SLC4A1: variants seen among roughly 807,000 people sequenced by gnomAD.
SLC4A1 encodes solute carrier family 4 member 1 (Diego blood group).
A neutral mutation model predicts 93.1 loss-of-function variants in SLC4A1; 29 were observed. That is an observed-to-expected ratio of 0.31 (90% CI 0.23 to 0.42). The LOEUF (loss-of-function observed/expected upper bound fraction) is 0.42. SLC4A1 is among the 20% of genes least tolerant of loss of function. The probability of loss-of-function intolerance (pLI) is 1.00; values close to 1 mark genes in which losing one functional copy is unlikely to be tolerated. For synonymous variants in SLC4A1, 469 were observed against 497.2 expected (o/e 0.94, Z 0.76); for missense variants, 965 against 1,190.1 (o/e 0.81, Z 2.78).
At position 44,257,996 on chromosome 17, in the gene SLC4A1, G is replaced by A. The variant is rs148115666; in HGVS notation, c.1272C>T (p.Gly424=). The change falls in exon 11 of 20, where the codon GGC becomes GGT. Residue 424 remains glycine (G), a synonymous_variant. Transcript: ENST00000262418. The stretch of plus-strand genomic sequence containing the variant: ...GGTATTGGCACTGACCCAGGAGGCC[G>A]CCGAAGGTGATGGCGGGTGACAGTG... ...FAALSPAITF[G]GLLGEKTRNQ... The A allele has an allele frequency of 8.9e-5, 143 of 1,613,968 alleles. No homozygotes were observed. The African/African-American group carries it at 1.1e-3, about 13-fold the overall frequency.
At position 44,253,277 on chromosome 17, in the gene SLC4A1, G is replaced by C; in HGVS notation, c.2152C>G (p.Leu718Val). 1 of 1,614,058 alleles carries C rather than the reference G, an allele frequency of 6.2e-7. No individual in the cohort carries two copies. The highest frequency in any genetic ancestry group is 1.1e-5 in the South Asian group (1 of 91,088). ...GCACTGAGCCAGGGCATCCCAAAGA[G>C]GGCGGCCACCCCACCCATGCCTACT... The part of the protein sequence containing the change: ...LVVGMGGVAA[L>V]FGMPWLSATT... Residue 718 changes from leucine to valine, a missense_variant, in exon 17 of 20, where the codon CTC becomes GTC. By Grantham distance (32) the Leu-to-Val change is conservative. This residue lies in a region of SLC4A1 where 770 missense variants were observed against 1,006.6 expected (regional missense o/e 0.76). Transcript: ENST00000262418.
In SLC4A1 at chr17:44,260,723, G is replaced by T. The variant is rs761763084; in HGVS notation, c.261C>A (p.Asn87Lys). ...EAARWVQLEE[N>K]LGENGAWGRP... is the part of the protein sequence containing the mutation. ...GGCCCCAGGCCCCATTCTCCCCCAGGTTCTCCTCCAGTTGCACCCAGCGCG... is the reference window on the plus strand; with the variant it reads ...GGCCCCAGGCCCCATTCTCCCCCAGTTTCTCCTCCAGTTGCACCCAGCGCG... The change falls in exon 5 of 20, where the codon AAC (asparagine) becomes AAA (lysine). Residue 87 changes from asparagine (N) to lysine (K), a missense_variant. This residue lies in a region of SLC4A1 where 195 missense variants were observed against 183.5 expected (regional missense o/e 1.06). Coordinates refer to ENST00000262418, the MANE Select transcript of SLC4A1 (RefSeq NM_000342.4). 6.2e-7 allele frequency: 1 copy of T among 1,614,142 alleles called. No homozygotes were observed.
rs775100369 is a variant in SLC4A1 at position 44,257,993 on chromosome 17, G to A, written c.1275C>T (p.Gly425=). 6.2e-7 allele frequency: 1 copy of A among 1,614,112 alleles called. No homozygotes were observed. Among genetic ancestry groups the A allele is most frequent in the Non-Finnish European group, 8.5e-7 (1 of 1,180,008 alleles). Residue 425 remains glycine, a synonymous_variant, in exon 11 of 20, where the codon GGC becomes GGT. Coordinates refer to ENST00000262418, the MANE Select transcript of SLC4A1 (RefSeq NM_000342.4). The part of the protein sequence containing the change: ...AALSPAITFG[G]LLGEKTRNQM... ...ACAGGTATTGGCACTGACCCAGGAG[G>A]CCGCCGAAGGTGATGGCGGGTGACA...
At position 44,249,511 on chromosome 17, in the gene SLC4A1, G is replaced by C. The variant is rs368389948; in HGVS notation, c.*947C>G. 1.8e-4 allele frequency: 29 copies of C among 163,662 alleles called. No individual in the cohort carries two copies. The highest frequency in any genetic ancestry group is 2.4e-3 in the Middle Eastern group (1 of 412). The allele number at this position is 163,662 out of a possible 1,614,324, so 10.1% of individuals were successfully genotyped here. On this transcript the variant is annotated 3_prime_UTR_variant, in exon 20 of 20. Transcript: ENST00000262418. ...TCCCTATCCAAATGTAGAATCAACT[G>C]TACCTTGCCCCCCACCCCCACCCCA...
At chr17:44,257,839 C>G (rs1401177941) in intron 11 of SLC4A1, 32 bp from the exon 12 acceptor site, 1 of 1,612,758 alleles carries the variant, frequency 6.2e-7, no homozygotes, top group African/African-American at 1.3e-5. Context: ...GGATCAAGGT[C>G]AGGAGATCAT....
intron 1 of SLC4A1, among the ~76,000 whole-genome samples, chr17:44,267,267 T>A (rs1458192833): frequency 1.3e-5 from 2 of 152,168 alleles, no homozygotes; most frequent in African/African-American, 4.8e-5. Context: ...AGCCCTGCCA[T>A]TTACTAACGG....
intron 1 of SLC4A1, among the ~76,000 whole-genome samples, chr17:44,267,517 A>C (rs912427963): frequency 3.3e-5 from 5 of 152,190 alleles, no homozygotes; most frequent in Non-Finnish European, 5.9e-5. Flanking sequence ...CTCAGTTCCC[A>C]TGGAATTAGC....
In SLC4A1 at chr17:44,254,524, G is replaced by A. The variant is rs759861754; in HGVS notation, c.2029C>T (p.Leu677Phe). The change falls in exon 16 of 20, where the codon CTC becomes TTC. Residue 677 changes from leucine to phenylalanine, a missense_variant. Transcript: ENST00000262418. The part of the protein sequence containing the change: ...SALPALLVFI[L>F]IFLESQITTL... Reference sequence around the variant, plus strand: ...GTGATCTGAGACTCCAGGAATATGAGGATGAAGACCAGCAGAGCAGGCAGG... The same window carrying A: ...GTGATCTGAGACTCCAGGAATATGAAGATGAAGACCAGCAGAGCAGGCAGG... The A allele has an allele frequency of 6.2e-7, 1 of 1,608,892 alleles. No individual in the cohort carries two copies. The highest frequency in any genetic ancestry group is 8.5e-7 in the Non-Finnish European group (1 of 1,176,808).
At chr17:44,263,988 G>T (rs1448410823) in intron 1 of SLC4A1, among the ~76,000 whole-genome samples, 1 of 151,868 alleles carries the variant, frequency 6.6e-6, no homozygotes, top group Non-Finnish European at 1.5e-5. Flanking sequence ...CTCAGTGTGG[G>T]CTGCTGATTT....
At chr17:44,254,786 T>C (rs773848715) in intron 15 of SLC4A1, 124 bp from the exon 16 acceptor site, 46 of 748,740 alleles carry the variant, frequency 6.1e-5, no homozygotes, top group Middle Eastern at 6.4e-4. Flanking sequence ...CTTACTTATA[T>C]TGAGCACTTG....
In SLC4A1 at chr17:44,259,058, C is replaced by A. The variant is rs2047416285; in HGVS notation, c.876+105G>T. 4.1e-6 allele frequency: 5 copies of A among 1,223,220 alleles called. No homozygotes were observed. In the East Asian group the frequency reaches 1.2e-4, roughly 30 times the overall value. 75.8% of individuals were successfully genotyped at this position (1,223,220 alleles called of 1,614,324 possible). ...AGCAGCTGGATTAGGCTGAATGGGT[C>A]AAACCAGTGAACCTAAAGTAACCCA... On this transcript the variant is annotated intron_variant, in intron 9 of 19. Transcript: ENST00000262418.
chr17:44,258,373 G>T lies in SLC4A1; in HGVS notation c.1087+40C>A. On this transcript the variant is annotated intron_variant, in intron 10 of 19. Transcript: ENST00000262418. This position sits in a 1 kb window ranked among gnomAD's most constrained non-coding sequence, Gnocchi z 6.1. ...GGCTACGCTGAGGTGTCTGGGGGTC[G>T]GTGGGGGCTCAGAAAGCCTCAGCTG... 2 of 1,588,210 alleles carry T rather than the reference G, an allele frequency of 1.3e-6. No homozygotes were observed. The highest frequency in any genetic ancestry group is 1.7e-6 in the Non-Finnish European group (2 of 1,156,608).
In SLC4A1 at chr17:44,263,707, C is replaced by CTCCT. The variant is rs111483250; in HGVS notation, c.-68-777_-68-774dup. On this transcript the variant is annotated intron_variant, in intron 1 of 19. Coordinates refer to ENST00000262418, the MANE Select transcript of SLC4A1 (RefSeq NM_000342.4). ...TTCCCTCCCTCCTTCCCTCCCTTCC[C>CTCCT]TCCTTCCTTCCTTCCTTCCTTCCTT... Among the ~76,000 whole-genome samples, 547 of 140,398 alleles carry CTCCT rather than the reference C, an allele frequency of 3.9e-3. 3 individuals are homozygous for CTCCT. Among genetic ancestry groups the CTCCT allele is most frequent in the African/African-American group, 7.2e-3 (256 of 35,574 alleles). 92.1% of individuals were successfully genotyped at this position (140,398 alleles called of 152,430 possible).
chr17:44,255,319 G>C, intron 14 of SLC4A1, 23 bp from the exon 15 acceptor site: 1 of 1,535,022 alleles, frequency 6.5e-7, no homozygotes, highest in Non-Finnish European at 8.8e-7. Context: ...GAAAGGACCA[G>C]TGGTCAGTGC....
chr17:44,260,467 A>G lies in SLC4A1; in HGVS notation c.422T>C (p.Phe141Ser). 4 of 1,614,134 alleles carry G rather than the reference A, an allele frequency of 2.5e-6. No individual in the cohort carries two copies. Among genetic ancestry groups the G allele is most frequent in the African/African-American group, 2.7e-5 (2 of 75,050 alleles). ...VANQLLDRFI[F>S]EDQIRPQDRE... ...GTCCTGAGGCCGGATCTGGTCTTCA[A>G]AGATAAACCTGTCTAGCAGTTGGTT... The change falls in exon 6 of 20, where the codon TTT becomes TCT. Residue 141 changes from phenylalanine to serine, a missense_variant. Coordinates refer to ENST00000262418, the MANE Select transcript of SLC4A1 (RefSeq NM_000342.4).
In SLC4A1 at chr17:44,259,928, C is replaced by T. The variant is rs543366685; in HGVS notation, c.490G>A (p.Ala164Thr). The T allele has an allele frequency of 1.4e-5, 23 of 1,613,814 alleles. No individual in the cohort carries two copies. Among genetic ancestry groups the T allele is most frequent in the Non-Finnish European group, 1.7e-5 (20 of 1,180,008 alleles). ...LRALLLKHSH[A>T]GELEALGGVK... ...CCCCCCAGGGCCTCCAGCTCTCCAG[C>T]GTGGCTGCAGGACGTACAGGGGACA... The change falls in exon 7 of 20, where the codon GCT (alanine) becomes ACT (threonine). Residue 164 changes from alanine to threonine, a missense_variant. Ala to Thr is a moderately conservative substitution (Grantham distance 58). Around this residue, in one of 2 missense-constraint regions of SLC4A1, gnomAD observed 770 missense variants for 1,006.6 expected, o/e 0.76. Coordinates refer to ENST00000262418, the MANE Select transcript of SLC4A1 (RefSeq NM_000342.4).
At chr17:44,256,281 T>A (rs1187957991) in intron 13 of SLC4A1, among the ~76,000 whole-genome samples, 1 of 152,174 alleles carries the variant, frequency 6.6e-6, no homozygotes, top group Non-Finnish European at 1.5e-5. Flanking sequence ...TTTTCAGGAA[T>A]GAAGACAGCC....
At chr17:44,266,185 G>A (rs1174898668) in intron 1 of SLC4A1, among the ~76,000 whole-genome samples, 1 of 152,074 alleles carries the variant, frequency 6.6e-6, no homozygotes, top group Non-Finnish European at 1.5e-5. Flanking sequence ...CCCTACTGCA[G>A]GGCTTGGCTT....
rs113514163 is a variant in SLC4A1, at chr17:44,258,692, A to G, written c.877-69T>C. 299 of 1,464,598 alleles carry G rather than the reference A, an allele frequency of 2.0e-4. 4 individuals are homozygous for G. In the African/African-American group the frequency reaches 2.5e-3, roughly 12 times the overall value. The allele number at this position is 1,464,598 out of a possible 1,614,324, so 90.7% of individuals were successfully genotyped here. A position where few individuals can be genotyped will look rare whatever the true frequency, so the allele number is the denominator to read the frequency against. On this transcript the variant is annotated intron_variant, in intron 9 of 19. Transcript: ENST00000262418. This position sits in a 1 kb window ranked among gnomAD's most constrained non-coding sequence, Gnocchi z 6.1. ...GGAAAGGACCCAGGAGTCCACAGCC[A>G]GGGCCTCCAGGAACCAGAACCCCCT... is the stretch of plus-strand genomic sequence containing the variant.
Sources: allele counts gnomAD v4.1 joint callset (sites outside exome capture counted in the v4.1 genomes callset), GRCh38; gene constraint gnomAD v4.1.1; regional missense constraint gnomAD v4.1.1; non-coding constraint Gnocchi (gnomAD v3.1); transcripts MANE v1.5; gene names NCBI Gene and HGNC (gene_info 2026-07-23, HGNC 2026-07-21).